SEMA3C: variants seen among roughly 807,000 people sequenced by gnomAD.
The protein encoded by SEMA3C is semaphorin-3C.
SEMA3C carries 47 observed loss-of-function variants against 89.4 expected under a neutral mutation model. The ratio of observed to expected loss-of-function variants is 0.53; its 90% CI spans 0.42 to 0.67. The LOEUF is 0.67. Among genes scored for constraint, SEMA3C ranks in the 30% least tolerant of loss-of-function variants. SEMA3C has a pLI of 0.00. For synonymous variants in SEMA3C, 310 were observed against 320.2 expected, an observed-to-expected ratio of 0.97 and a Z score of 0.34; for missense variants, 839 against 929.1, an observed-to-expected ratio of 0.90 and a Z score of 1.26.
chr7:80,850,597 T>G (rs571442700), intron 2 of SEMA3C, among the ~76,000 whole-genome samples: 7 of 152,274 alleles, frequency 4.6e-5, no homozygotes, highest in Non-Finnish European at 7.4e-5. Flanking sequence ...GGTGGTTATA[T>G]TCAGGGAGAA....
At chr7:80,833,595 A>G (rs1790059715) in intron 2 of SEMA3C, among the ~76,000 whole-genome samples, 1 of 152,174 alleles carries the variant, frequency 6.6e-6, no homozygotes, top group Non-Finnish European at 1.5e-5. Context: ...TCCGAGCCAT[A>G]AAGCATCTTC....
At chr7:80,862,044 GCA>G (rs1428555311) in intron 2 of SEMA3C, among the ~76,000 whole-genome samples, 6 of 152,104 alleles carry the variant, frequency 3.9e-5, no homozygotes, top group African/African-American at 1.2e-4. Context: ...AGACAAGAAT[GCA>G]CACTCTTACC....
At chr7:80,785,545 C>T (rs1290807971) in intron 12 of SEMA3C, among the ~76,000 whole-genome samples, 1 of 152,148 alleles carries the variant, frequency 6.6e-6, no homozygotes, top group Non-Finnish European at 1.5e-5. Context: ...GCTAGGAAAT[C>T]CTGGGACAAT....
intron 2 of SEMA3C, among the ~76,000 whole-genome samples, chr7:80,858,248 C>T (rs1184597828): frequency 2.6e-5 from 4 of 151,926 alleles, no homozygotes; most frequent in Non-Finnish European, 4.4e-5. Context: ...TCTTTGGGTG[C>T]GGCTCAAAAT....
chr7:80,749,488 T>C (rs1290955295), intron 16 of SEMA3C, among the ~76,000 whole-genome samples: 1 of 152,034 alleles, frequency 6.6e-6, no homozygotes, highest in African/African-American at 2.4e-5. Context: ...ATAGAGGAAA[T>C]AGGTAAGCAC....
At chr7:80,842,835 G>A (rs1283813864) in intron 2 of SEMA3C, among the ~76,000 whole-genome samples, 1 of 152,128 alleles carries the variant, frequency 6.6e-6, no homozygotes, top group Non-Finnish European at 1.5e-5. Context: ...CAGGGTTCTA[G>A]TGCAGAATCT....
Position 80,750,457 on chromosome 7 carries a change from TATATATATATATATATACAC to T in SEMA3C, c.1711+792_1711+811del, listed in dbSNP as rs1327370162. On this transcript the variant is annotated intron_variant, in intron 16 of 17. Transcript: ENST00000265361. Reference sequence around the variant, plus strand: ...GTACATATATATATATATATATATATATATATATATATATATACACACACACACACACACACACACACACA... The same window carrying T: ...GTACATATATATATATATATATATATACACACACACACACACACACACACA... Among the ~76,000 whole-genome samples the T allele has an allele frequency of 6.4e-3, 427 of 66,670 alleles. 3 individuals carry two copies. The highest frequency in any genetic ancestry group is 0.022 in the African/African-American group (392 of 18,036). 43.7% of individuals were successfully genotyped at this position (66,670 alleles called of 152,430 possible). A position where few individuals can be genotyped will look rare whatever the true frequency, so the allele number is the denominator to read the frequency against.
intron 10 of SEMA3C, among the ~76,000 whole-genome samples, chr7:80,800,221 C>T (rs918635432): frequency 2.0e-5 from 3 of 150,832 alleles, no homozygotes; most frequent in African/African-American, 7.3e-5. Flanking sequence ...AAATAGTCAT[C>T]ACTTTACTTC....
Position 80,746,282 on chromosome 7 carries a change from C to T in SEMA3C, c.1843-975G>A, listed in dbSNP as rs150571757. ...AATTGGTTTGTGCACAAAAAAAGCA[C>T]AAAAAGGCAAGTATAGTATTAAAAG... On this transcript the variant is annotated intron_variant, in intron 17 of 17. Coordinates refer to ENST00000265361, the MANE Select transcript of SEMA3C (RefSeq NM_006379.5). 1.7e-3 allele frequency among the ~76,000 whole-genome samples: 263 copies of T among 151,758 alleles called. No individual in the cohort carries two copies. In the East Asian group the frequency reaches 0.02, roughly 12 times the overall value.
At chr7:80,897,239 T>C (rs752662996) in intron 2 of SEMA3C, among the ~76,000 whole-genome samples, 16 of 152,240 alleles carry the variant, frequency 1.1e-4, no homozygotes, top group African/African-American at 3.1e-4. Context: ...TGTGGAAACA[T>C]TGTATTTGGG....
upstream of SEMA3C, chr7:80,919,211 G>A (rs2116270991): frequency 2.0e-6 from 2 of 985,070 alleles, no homozygotes; most frequent in Admixed American, 6.2e-5. Flanking sequence ...CCCACCCCGA[G>A]CGCGCCCGCG....
intron 4 of SEMA3C, among the ~76,000 whole-genome samples, chr7:80,825,805 A>G (rs1162294070): frequency 6.6e-6 from 1 of 152,160 alleles, no homozygotes; most frequent in East Asian, 1.9e-4. Context: ...AGAATAAAAG[A>G]AAACAGTTTA....
At chr7:80,905,946 T>A in intron 2 of SEMA3C, 1 of 1,245,858 alleles carries the variant, frequency 8.0e-7, no homozygotes. Context: ...TTGAATGTAA[T>A]TTTGTTTTGT....
In SEMA3C at chr7:80,828,650, A is replaced by C; in HGVS notation, c.199T>G (p.Tyr67Asp). Residue 67 changes from tyrosine to aspartate, a missense_variant, in exon 3 of 18, where the codon TAT (tyrosine) becomes GAT (aspartate). Transcript: ENST00000265361. Reference protein sequence around the residue: ...LLMDEDQDRIYVGSKDHILSL... With the variant: ...LLMDEDQDRIDVGSKDHILSL... ...AGAATGTGATCTTTGCTTCCCACAT[A>C]TATCCGGTCCTGATCTTCATCCATT... 2 of 1,612,222 alleles carry C rather than the reference A, an allele frequency of 1.2e-6. No individual in the cohort carries two copies. The highest frequency in any genetic ancestry group is 1.7e-6 in the Non-Finnish European group (2 of 1,178,724).
At chr7:80,820,427 C>T (rs377156628) in intron 4 of SEMA3C, among the ~76,000 whole-genome samples, 2 of 151,936 alleles carry the variant, frequency 1.3e-5, no homozygotes, top group Non-Finnish European at 2.9e-5. Flanking sequence ...ATAAATGTTG[C>T]TAAAATAGAA....
chr7:80,888,186 G>A, intron 2 of SEMA3C, among the ~76,000 whole-genome samples: 1 of 152,178 alleles, frequency 6.6e-6, no homozygotes, highest in Non-Finnish European at 1.5e-5. Flanking sequence ...GCTGAGGCAG[G>A]AGGATCCCTT....
At position 80,758,480 on chromosome 7, in the gene SEMA3C, C is replaced by G; in HGVS notation, c.1494G>C (p.Leu498Phe). The change falls in exon 15 of 18, where the codon TTG becomes TTC. Residue 498 changes from leucine (L) to phenylalanine (F), a missense_variant. By Grantham distance (22) the Leu-to-Phe change is conservative. Coordinates refer to ENST00000265361, the MANE Select transcript of SEMA3C (RefSeq NM_006379.5). ...AAACCCCTTCATTGGAACTCACATA[C>G]AACTGTTGCTATTAAAGGAATGATG... ...TMKISSKKQQLYVSSNEGVSQ... is the reference protein window; with the variant it reads ...TMKISSKKQQFYVSSNEGVSQ... 1 of 1,613,476 alleles carries G rather than the reference C, an allele frequency of 6.2e-7. No individual in the cohort carries two copies. Among genetic ancestry groups the G allele is most frequent in the Non-Finnish European group, 8.5e-7 (1 of 1,179,624 alleles).
intron 2 of SEMA3C, among the ~76,000 whole-genome samples, chr7:80,885,619 A>C (rs1791456344): frequency 6.6e-6 from 1 of 152,206 alleles, no homozygotes; most frequent in African/African-American, 2.4e-5. Context: ...CCTATCTCAA[A>C]AAACAAAGAA....
chr7:80,829,183 T>G (rs1034779702), intron 2 of SEMA3C, among the ~76,000 whole-genome samples: 2 of 152,106 alleles, frequency 1.3e-5, no homozygotes, highest in Non-Finnish European at 1.5e-5. Flanking sequence ...AAAAGTTATG[T>G]TAATGGGCAT....
Sources: gnomAD v4.1 joint callset for allele counts (sites outside exome capture counted in the v4.1 genomes callset) on GRCh38, gnomAD v4.1.1 for gene constraint, MANE v1.5 for transcripts, NCBI Gene and HGNC (gene_info 2026-07-23, HGNC 2026-07-21) for gene names.